Variants in KCNK9 observed in about 807,000 individuals in gnomAD.
KCNK9 encodes potassium channel subfamily K member 9.
KCNK9 carries 1 observed loss-of-function variant against 10.8 expected under a neutral mutation model. That is an observed-to-expected ratio of 0.09 (90% confidence interval 0.03 to 0.44). The LOEUF (loss-of-function observed/expected upper bound fraction) is 0.44. Among genes scored for constraint, KCNK9 ranks in the 20% least tolerant of loss-of-function variants. The pLI is 0.97. For missense variants in KCNK9, 303 were observed against 515.0 expected (o/e 0.59, Z 3.98); for synonymous variants, 231 against 222.7 (o/e 1.04, Z -0.33).
At chr8:139,638,358 C>T (rs1297109602) in intron 1 of KCNK9, among the ~76,000 whole-genome samples, 1 of 152,184 alleles carries the variant, frequency 6.6e-6, no homozygotes, top group Non-Finnish European at 1.5e-5. Context: ...CAATGACCAG[C>T]AAAGGATCTG....
At chr8:139,646,999 A>C (rs1381841443) in intron 1 of KCNK9, among the ~76,000 whole-genome samples, 1 of 152,234 alleles carries the variant, frequency 6.6e-6, no homozygotes, top group Non-Finnish European at 1.5e-5. Context: ...TGCAGTGCAC[A>C]CAAAGGTGGG....
intron 1 of KCNK9, among the ~76,000 whole-genome samples, chr8:139,655,797 C>A (rs987396535): frequency 3.9e-5 from 6 of 152,140 alleles, no homozygotes; most frequent in African/African-American, 1.2e-4. Context: ...ATGGTGGACA[C>A]CCCTAGATCA....
At chr8:139,654,700 C>G (rs1044058117) in intron 1 of KCNK9, among the ~76,000 whole-genome samples, 3 of 152,220 alleles carry the variant, frequency 2.0e-5, no homozygotes, top group African/African-American at 7.2e-5. Flanking sequence ...GTAAGATCCA[C>G]GAAGACACGC....
intron 1 of KCNK9, among the ~76,000 whole-genome samples, chr8:139,678,802 G>T (rs1413039775): frequency 6.6e-6 from 1 of 152,236 alleles, no homozygotes; most frequent in African/African-American, 2.4e-5. Context: ...TCAGACCAAG[G>T]TCCTAGGTCT....
chr8:139,702,653 C>G lies in KCNK9; in HGVS notation c.283+57G>C. On this transcript the variant is annotated intron_variant, in intron 1 of 1. Coordinates refer to ENST00000520439, the MANE Select transcript of KCNK9 (RefSeq NM_001282534.2). This position sits in a 1 kb window ranked among gnomAD's most constrained non-coding sequence, Gnocchi z 7.5. ...ACCCAGCCCGGCGCGGCGCGCTCAGCCGCCTCCCCGGACTCCTCCCGGGGC... is the reference window on the plus strand; with the variant it reads ...ACCCAGCCCGGCGCGGCGCGCTCAGGCGCCTCCCCGGACTCCTCCCGGGGC... 6.5e-7 allele frequency: 1 copy of G among 1,526,740 alleles called. No homozygotes were observed. The highest frequency in any genetic ancestry group is 8.8e-7 in the Non-Finnish European group (1 of 1,137,030). 94.6% of individuals were successfully genotyped at this position (1,526,740 alleles called of 1,614,324 possible).
At chr8:139,628,333 G>C (rs1043938072) in intron 1 of KCNK9, among the ~76,000 whole-genome samples, 7 of 152,228 alleles carry the variant, frequency 4.6e-5, no homozygotes, top group African/African-American at 1.4e-4. Context: ...TCCAGCACTG[G>C]GCTGAGTTCA....
intron 1 of KCNK9, among the ~76,000 whole-genome samples, chr8:139,652,974 C>T (rs2129680110): frequency 6.6e-6 from 1 of 152,356 alleles, no homozygotes; most frequent in East Asian, 1.9e-4. Flanking sequence ...CACGTACAAG[C>T]ATCGTGTGCA....
chr8:139,665,396 A>T (rs3780038), intron 1 of KCNK9, among the ~76,000 whole-genome samples: 28,435 of 152,084 alleles, frequency 0.19, 4,493 homozygotes, highest in East Asian at 0.66. Context: ...TCTTATAAAG[A>T]CGCTGATATC....
chr8:139,669,660 C>T (rs1043378219), intron 1 of KCNK9, among the ~76,000 whole-genome samples: 2 of 152,200 alleles, frequency 1.3e-5, no homozygotes, highest in Non-Finnish European at 2.9e-5. Flanking sequence ...AAGTCTTGAA[C>T]CCCTCAAAGG....
At chr8:139,603,623 C>G (rs1035261721) in intron 2 of KCNK9, among the ~76,000 whole-genome samples, 3 of 152,180 alleles carry the variant, frequency 2.0e-5, no homozygotes, top group African/African-American at 7.2e-5. Context: ...CAGGACTGTC[C>G]ACCTTGCTCT....
chr8:139,661,932 C>G (rs1016738362), intron 1 of KCNK9, among the ~76,000 whole-genome samples: 19 of 152,250 alleles, frequency 1.2e-4, no homozygotes, highest in Non-Finnish European at 2.8e-4. Flanking sequence ...TGGGGAGGGA[C>G]TGCTGGCTGC....
At chr8:139,653,736 C>T (rs1401910764) in intron 1 of KCNK9, among the ~76,000 whole-genome samples, 1 of 152,202 alleles carries the variant, frequency 6.6e-6, no homozygotes, top group African/African-American at 2.4e-5. Context: ...ACCCATAAAT[C>T]GCTCTACAAA....
chr8:139,615,976 C>T (rs1433902462), downstream of KCNK9: 5 of 152,132 alleles, frequency 3.3e-5, no homozygotes, highest in African/African-American at 1.2e-4. Flanking sequence ...CGCCCTCCTC[C>T]GAGGGCTGAG....
At chr8:139,636,412 C>T (rs568285420) in intron 1 of KCNK9, among the ~76,000 whole-genome samples, 3 of 152,352 alleles carry the variant, frequency 2.0e-5, no homozygotes, top group Non-Finnish European at 2.9e-5. Flanking sequence ...TACCCCGGCC[C>T]CCTGCCAAGG....
At chr8:139,643,674 C>T (rs1478417430) in intron 1 of KCNK9, among the ~76,000 whole-genome samples, 3 of 152,204 alleles carry the variant, frequency 2.0e-5, no homozygotes, top group African/African-American at 7.2e-5. Flanking sequence ...TGGCTCAAGT[C>T]TAACCACGCT....
intron 1 of KCNK9, among the ~76,000 whole-genome samples, chr8:139,630,682 AG>A (rs1460818949): frequency 6.6e-6 from 1 of 152,192 alleles, no homozygotes; most frequent in Non-Finnish European, 1.5e-5. Context: ...AGAGACACAG[AG>A]GGGAAGACAG....
At position 139,617,573 on chromosome 8, in the gene KCNK9, T is replaced by C. The variant is rs779935338; in HGVS notation, c.*685A>G. 2.6e-5 allele frequency among the ~76,000 whole-genome samples: 4 copies of C among 151,982 alleles called. No individual in the cohort carries two copies. Among genetic ancestry groups the C allele is most frequent in the Admixed American group, 1.3e-4 (2 of 15,244 alleles). On this transcript the variant is annotated 3_prime_UTR_variant, in exon 2 of 2. Coordinates refer to ENST00000520439, the MANE Select transcript of KCNK9 (RefSeq NM_001282534.2). Reference sequence around the variant, plus strand: ...AATTTAGAACCTAGCATTTAGAAAATATGGCCATGACACATCAGGGATAAG... The same window carrying C: ...AATTTAGAACCTAGCATTTAGAAAACATGGCCATGACACATCAGGGATAAG...
chr8:139,684,798 A>C (rs1476844691), intron 1 of KCNK9, among the ~76,000 whole-genome samples: 2 of 152,240 alleles, frequency 1.3e-5, no homozygotes, highest in African/African-American at 4.8e-5. Context: ...TAGACCTGAT[A>C]ATAATTATAG....
At chr8:139,695,903 A>G (rs1463467098) in intron 1 of KCNK9, among the ~76,000 whole-genome samples, 1 of 152,056 alleles carries the variant, frequency 6.6e-6, no homozygotes, top group Non-Finnish European at 1.5e-5. Flanking sequence ...AGAGGGGCCA[A>G]CCCTCTGGGG....
Sources: gnomAD v4.1 joint callset for allele counts (sites outside exome capture counted in the v4.1 genomes callset) on GRCh38, gnomAD v4.1.1 for gene constraint, Gnocchi (gnomAD v3.1) non-coding constraint, MANE v1.5 for transcripts, NCBI Gene and HGNC (gene_info 2026-07-23, HGNC 2026-07-21) for gene names.